C12orf42: variants seen among roughly 807,000 people sequenced by gnomAD.
The protein encoded by C12orf42 is uncharacterized protein C12orf42.
In C12orf42, 25 loss-of-function variants were observed where a neutral mutation model predicts 21.6. That is an observed-to-expected ratio of 1.16 (90% CI 0.84 to 1.62). The LOEUF is 1.62. Ranked by LOEUF, C12orf42 falls within the 40% of genes most tolerant of loss-of-function variation. The pLI, the probability that C12orf42 is intolerant of heterozygous loss-of-function variation, is 0.00. For synonymous variants in C12orf42, 174 were observed against 175.0 expected (o/e 0.99, Z 0.05); for missense variants, 483 against 459.3 (o/e 1.05, Z -0.47).
At chr12:103,441,042 A>G (rs1290935022) in intron 2 of C12orf42, among the ~76,000 whole-genome samples, 1 of 152,208 alleles carries the variant, frequency 6.6e-6, no homozygotes, top group Non-Finnish European at 1.5e-5. Context: ...TTTACCTAGC[A>G]AACAGTTAAC....
the C12orf42 span, among the ~76,000 whole-genome samples, chr12:103,130,420 G>A: frequency 6.6e-6 from 1 of 151,374 alleles, no homozygotes; most frequent in East Asian, 1.9e-4. Context: ...CTTGCATTGT[G>A]GTTTTCAAAA....
the C12orf42 span, among the ~76,000 whole-genome samples, chr12:103,129,093 C>T: frequency 1.3e-5 from 2 of 152,126 alleles, no homozygotes; most frequent in African/African-American, 4.8e-5. Flanking sequence ...TCTGTCTCAA[C>T]CACTCTATCT....
intron 4 of C12orf42, among the ~76,000 whole-genome samples, chr12:103,353,873 G>C (rs943996971): frequency 2.0e-5 from 3 of 152,168 alleles, no homozygotes; most frequent in African/African-American, 7.2e-5. Flanking sequence ...CATCTGAAAG[G>C]TTTCTCACAA....
chr12:103,363,750 A>G (rs6539069), intron 4 of C12orf42, among the ~76,000 whole-genome samples: 71,880 of 151,918 alleles, frequency 0.47, 19,365 homozygotes, highest in African/African-American at 0.75. Flanking sequence ...AGACAAAGAC[A>G]GACATTATGT....
At chr12:103,299,781 G>T (rs1271609533), downstream of C12orf42, among the ~76,000 whole-genome samples, 1 of 152,092 alleles carries the variant, frequency 6.6e-6, no homozygotes, top group African/African-American at 2.4e-5. Context: ...ATTTACCTTG[G>T]TGCATTTGTG....
chr12:103,261,574 A>G (rs1474306885), intron 10 of C12orf42, among the ~76,000 whole-genome samples: 1 of 151,880 alleles, frequency 6.6e-6, no homozygotes, highest in Non-Finnish European at 1.5e-5. Flanking sequence ...CATAATACTT[A>G]ACATAGATTA....
intron 10 of C12orf42, chr12:103,237,903 C>A (rs1327733375): frequency 6.6e-6 from 1 of 152,108 alleles, no homozygotes; most frequent in African/African-American, 2.4e-5. Context: ...CACAGGAAAC[C>A]TGGATTCAAG....
At chr12:103,294,624 G>GAA (rs58864024) in intron 4 of C12orf42, among the ~76,000 whole-genome samples, 1,889 of 139,908 alleles carry the variant, frequency 0.014, 36 homozygotes, top group African/African-American at 0.04. Context: ...AAGAAAGAAA[G>GAA]AAAGAAAGAA....
At chr12:103,403,253 G>C (rs1325379880) in intron 2 of C12orf42, among the ~76,000 whole-genome samples, 1 of 152,056 alleles carries the variant, frequency 6.6e-6, no homozygotes, top group Non-Finnish European at 1.5e-5. Context: ...GCGGGCGCCT[G>C]TAGTCCCAGC....
the C12orf42 span, among the ~76,000 whole-genome samples, chr12:103,121,811 ATTT>A: frequency 3.9e-5 from 6 of 152,208 alleles, no homozygotes; most frequent in Non-Finnish European, 8.8e-5. Flanking sequence ...ATATCACTGT[ATTT>A]TGTTACCTAA....
the C12orf42 span, among the ~76,000 whole-genome samples, chr12:103,161,004 A>T: frequency 5.3e-5 from 8 of 152,344 alleles, no homozygotes; most frequent in South Asian, 4.1e-4. Context: ...TAGACAACCT[A>T]TGTGAAACGT....
downstream of C12orf42, among the ~76,000 whole-genome samples, chr12:103,297,047 G>A (rs190292369): frequency 5.9e-5 from 9 of 152,256 alleles, no homozygotes; most frequent in East Asian, 3.9e-4. Context: ...TAAGGTGTAA[G>A]GAAGGGATCC....
chr12:103,123,495 C>T, the C12orf42 span, among the ~76,000 whole-genome samples: 1 of 152,110 alleles, frequency 6.6e-6, no homozygotes, highest in Non-Finnish European at 1.5e-5. Context: ...TAGACCCTTA[C>T]TCCCTAATCA....
At chr12:103,479,782 T>TA (rs892256165) in intron 1 of C12orf42, among the ~76,000 whole-genome samples, 3 of 152,046 alleles carry the variant, frequency 2.0e-5, no homozygotes, top group African/African-American at 4.8e-5. Flanking sequence ...ATTCATGAGA[T>TA]AAAAAACAAC....
chr12:103,172,479 T>C, the C12orf42 span, among the ~76,000 whole-genome samples: 4 of 152,212 alleles, frequency 2.6e-5, no homozygotes, highest in African/African-American at 9.6e-5. Context: ...TGCTGATATA[T>C]CTCATTCCTC....
the C12orf42 span, among the ~76,000 whole-genome samples, chr12:103,075,306 T>C: frequency 6.6e-6 from 1 of 152,180 alleles, no homozygotes; most frequent in African/African-American, 2.4e-5. Context: ...TTTTCCTCTT[T>C]TAATGAAATC....
chr12:103,424,231 G>A (rs1449798110), intron 2 of C12orf42, among the ~76,000 whole-genome samples: 1 of 152,244 alleles, frequency 6.6e-6, no homozygotes, highest in African/African-American at 2.4e-5. Flanking sequence ...GTGGAAATGA[G>A]CTAATGAATC....
chr12:103,191,036 G>C, the C12orf42 span, among the ~76,000 whole-genome samples: 1 of 152,150 alleles, frequency 6.6e-6, no homozygotes, highest in Non-Finnish European at 1.5e-5. Context: ...ACATATACTG[G>C]AGTCTTCATA....
the C12orf42 span, among the ~76,000 whole-genome samples, chr12:103,203,277 T>C: frequency 6.6e-6 from 1 of 152,328 alleles, no homozygotes; most frequent in East Asian, 1.9e-4. Context: ...CCCAATCCCG[T>C]GATTTCATAG....
Sources: allele counts gnomAD v4.1 joint callset (sites outside exome capture counted in the v4.1 genomes callset), GRCh38; gene constraint gnomAD v4.1.1; transcripts MANE v1.5; gene names NCBI Gene and HGNC (gene_info 2026-07-23, HGNC 2026-07-21).